BRPF3: variants seen among roughly 807,000 people sequenced by gnomAD.
The protein encoded by BRPF3 is bromodomain and PHD finger containing 3.
A neutral mutation model predicts 102.0 loss-of-function variants in BRPF3; 18 were observed. The ratio of observed to expected loss-of-function variants is 0.18; its 90% CI spans 0.12 to 0.26. The LOEUF (loss-of-function observed/expected upper bound fraction) is 0.26. Ranked by LOEUF, BRPF3 falls within the 10% of genes least tolerant of loss-of-function variation. The pLI, the probability that BRPF3 is intolerant of heterozygous loss-of-function variation, is 1.00. For missense variants in BRPF3, 1,147 were observed against 1,567.8 expected, an observed-to-expected ratio of 0.73 and a Z score of 4.53; for synonymous variants, 570 against 614.2, an observed-to-expected ratio of 0.93 and a Z score of 1.06.
At position 36,210,006 on chromosome 6, in the gene BRPF3, C is replaced by T. The variant is rs1768044196; in HGVS notation, c.1866+91C>T. On this transcript the variant is annotated intron_variant, in intron 5 of 12. Coordinates refer to ENST00000357641, the MANE Select transcript of BRPF3 (RefSeq NM_015695.3). The surrounding 1 kb of genome is among the most constrained non-coding windows in gnomAD (Gnocchi z 4.7). ...GGAAGGAGTTGGGCCACAGGGTGTA[C>T]AAAACCAGGGGTAGGAGGGTGGGTC... is the stretch of plus-strand genomic sequence containing the variant. 1 of 1,544,270 alleles carries T rather than the reference C, an allele frequency of 6.5e-7. No individual in the cohort carries two copies. Among genetic ancestry groups the T allele is most frequent in the South Asian group, 1.2e-5 (1 of 82,890 alleles).
chr6:36,229,659 G>A (rs1276160817), intron 12 of BRPF3, among the ~76,000 whole-genome samples: 1 of 152,152 alleles, frequency 6.6e-6, no homozygotes, highest in Non-Finnish European at 1.5e-5. Flanking sequence ...AACACTTAAG[G>A]TTTCTCTTAG....
intron 8 of BRPF3, among the ~76,000 whole-genome samples, chr6:36,216,117 G>A (rs1289972027): frequency 6.6e-6 from 1 of 152,182 alleles, no homozygotes; most frequent in Admixed American, 6.5e-5. Flanking sequence ...CTTACTAGCT[G>A]TGTAACGACA....
chr6:36,231,918 C>T lies in BRPF3; in HGVS notation c.*1309C>T, dbSNP rs1368828423. On this transcript the variant is annotated 3_prime_UTR_variant, in exon 13 of 13. Transcript: ENST00000357641. The stretch of plus-strand genomic sequence containing the variant: ...CTTTTCACCTCCTGAGCACCAAAGT[C>T]GCAGGGCCAGTTGCAGGCCGCTGAT... 6.6e-6 allele frequency: 1 copy of T among 152,612 alleles called. No individual in the cohort carries two copies. Among genetic ancestry groups the T allele is most frequent in the African/African-American group, 2.4e-5 (1 of 41,436 alleles). The allele number at this position is 152,612 out of a possible 1,614,324, so 9.5% of individuals were successfully genotyped here. A position where few individuals can be genotyped will look rare whatever the true frequency, so the allele number is the denominator to read the frequency against.
At chr6:36,220,856 G>A (rs1393200690) in intron 9 of BRPF3, among the ~76,000 whole-genome samples, 1 of 152,128 alleles carries the variant, frequency 6.6e-6, no homozygotes, top group Non-Finnish European at 1.5e-5. Flanking sequence ...AGTTTTCTTA[G>A]CATACGTTCC....
chr6:36,201,819 G>T lies in BRPF3; in HGVS notation c.1448+49G>T. 3 of 1,539,752 alleles carry T rather than the reference G, an allele frequency of 1.9e-6. No individual in the cohort carries two copies. The highest frequency in any genetic ancestry group is 1.7e-6 in the Non-Finnish European group (2 of 1,145,458). ...TTAGGGACTCATGGTTTCTTCTTGG[G>T]TTGGTGTTGGCCCTGTGCCAGGCCT... is the stretch of plus-strand genomic sequence containing the variant. On this transcript the variant is annotated intron_variant, in intron 2 of 12. Coordinates refer to ENST00000357641, the MANE Select transcript of BRPF3 (RefSeq NM_015695.3). The surrounding 1 kb of genome is among the most constrained non-coding windows in gnomAD (Gnocchi z 5.1).
chr6:36,205,399 C>T (rs572838189), intron 3 of BRPF3, among the ~76,000 whole-genome samples: 1 of 152,314 alleles, frequency 6.6e-6, no homozygotes, highest in South Asian at 2.1e-4. Context: ...ACTGCTGCTC[C>T]AGAGATGAAG....
chr6:36,230,325 C>G lies in BRPF3; in HGVS notation c.3435-101C>G. 1 of 1,230,050 alleles carries G rather than the reference C, an allele frequency of 8.1e-7. No homozygotes were observed. Among genetic ancestry groups the G allele is most frequent in the Non-Finnish European group, 1.2e-6 (1 of 858,936 alleles). 76.2% of individuals were successfully genotyped at this position (1,230,050 alleles called of 1,614,324 possible). On this transcript the variant is annotated intron_variant, in intron 12 of 12. Transcript: ENST00000357641. The surrounding 1 kb of genome is among the most constrained non-coding windows in gnomAD (Gnocchi z 5.4). ...AATTTGCTTCCCTCTGCCCTGTACCCTCTCCCTGGCTTTGCTGGTCCTGGC... is the reference window on the plus strand; with the variant it reads ...AATTTGCTTCCCTCTGCCCTGTACCGTCTCCCTGGCTTTGCTGGTCCTGGC...
intron 7 of BRPF3, 75 bp downstream of exon 7, chr6:36,211,635 G>T (rs552941663): frequency 4.0e-5 from 59 of 1,480,930 alleles, no homozygotes; most frequent in Non-Finnish European, 5.3e-5. Flanking sequence ...TATCATAATG[G>T]GGGTATTCTT....
rs545337757 is a variant in BRPF3 at position 36,207,260 on chromosome 6, G to A, written c.1606-53G>A. 1.1e-5 allele frequency: 17 copies of A among 1,595,396 alleles called. No individual in the cohort carries two copies. In the African/African-American group the frequency reaches 2.1e-4, roughly 20 times the overall value. On this transcript the variant is annotated intron_variant, in intron 3 of 12. Coordinates refer to ENST00000357641, the MANE Select transcript of BRPF3 (RefSeq NM_015695.3). ...CAGCCCCGTGAGGCTTGAACAGGGA[G>A]AGGACTTTTGCAAGAAGGAGGTTCC...
intron 1 of BRPF3, chr6:36,197,285 G>C (rs1378483217): frequency 6.6e-6 from 1 of 151,118 alleles, no homozygotes; most frequent in African/African-American, 2.4e-5. Context: ...CCCGCCCCTT[G>C]AGCGGCCCTA....
intron 9 of BRPF3, among the ~76,000 whole-genome samples, chr6:36,219,721 T>C (rs1035731929): frequency 1.3e-4 from 20 of 152,348 alleles, no homozygotes; most frequent in African/African-American, 4.6e-4. Flanking sequence ...TCCAAAGGCT[T>C]CAACTGCAAG....
At position 36,201,907 on chromosome 6, in the gene BRPF3, A is replaced by C. The variant is rs1030198303; in HGVS notation, c.1448+137A>C. 16 of 1,312,398 alleles carry C rather than the reference A, an allele frequency of 1.2e-5. No homozygotes were observed. The highest frequency in any genetic ancestry group is 1.5e-5 in the Non-Finnish European group (15 of 974,932). 81.3% of individuals were successfully genotyped at this position (1,312,398 alleles called of 1,614,324 possible). On this transcript the variant is annotated intron_variant, in intron 2 of 12. Transcript: ENST00000357641. This position sits in a 1 kb window ranked among gnomAD's most constrained non-coding sequence, Gnocchi z 5.1. ...AATTTAAACTCTTCCTTTTGACCCC[A>C]GGCTCACCTGGCCTGGTTTGTGGTT...
At chr6:36,211,589 G>C (rs1328012101) in intron 7 of BRPF3, 29 bp downstream of exon 7, 2 of 1,545,294 alleles carry the variant, frequency 1.3e-6, no homozygotes, top group Admixed American at 3.9e-5. Flanking sequence ...CAGGCAGGGG[G>C]TTGGAGGGTA....
intron 11 of BRPF3, among the ~76,000 whole-genome samples, chr6:36,225,910 A>G (rs1768723978): frequency 6.6e-6 from 1 of 152,212 alleles, no homozygotes; most frequent in African/African-American, 2.4e-5. Flanking sequence ...TTACTCTTTT[A>G]CAAAAAATGT....
intron 9 of BRPF3, among the ~76,000 whole-genome samples, chr6:36,219,250 C>A (rs530044514): frequency 1.3e-4 from 20 of 152,206 alleles, no homozygotes; most frequent in Admixed American, 1.0e-3. Flanking sequence ...TCTGAGATTC[C>A]CCTACCCCCC....
At chr6:36,225,428 G>A in intron 11 of BRPF3, 64 bp downstream of exon 11, 2 of 1,434,074 alleles carry the variant, frequency 1.4e-6, no homozygotes, top group Non-Finnish European at 1.9e-6. Flanking sequence ...TAATCTGATT[G>A]GATTAAGCCA....
At chr6:36,221,476 G>T (rs533082397) in intron 9 of BRPF3, among the ~76,000 whole-genome samples, 1 of 151,936 alleles carries the variant, frequency 6.6e-6, no homozygotes, top group South Asian at 2.1e-4. Flanking sequence ...TAGTAGAGAT[G>T]AGGTTTCACC....
chr6:36,218,081 A>T lies in BRPF3; in HGVS notation c.3083+71A>T, dbSNP rs1768396550. 5.2e-6 allele frequency: 7 copies of T among 1,336,884 alleles called. No individual in the cohort carries two copies. The South Asian group carries it at 8.9e-5, about 17-fold the overall frequency. The allele number at this position is 1,336,884 out of a possible 1,614,324, so 82.8% of individuals were successfully genotyped here. A position where few individuals can be genotyped will look rare whatever the true frequency, so the allele number is the denominator to read the frequency against. ...CCTTTTACTCTCCATTCAGCTACAGATTGAACCTCTTCCTGCTTACCTTTT... is the reference window on the plus strand; with the variant it reads ...CCTTTTACTCTCCATTCAGCTACAGTTTGAACCTCTTCCTGCTTACCTTTT... On this transcript the variant is annotated intron_variant, in intron 9 of 12. Transcript: ENST00000357641.
chr6:36,218,664 G>A (rs1768421215), intron 9 of BRPF3, among the ~76,000 whole-genome samples: 2 of 152,024 alleles, frequency 1.3e-5, no homozygotes, highest in African/African-American at 4.8e-5. Flanking sequence ...TCACCATGTT[G>A]GCCAGACTGG....
Sources: gnomAD v4.1 joint callset for allele counts (sites outside exome capture counted in the v4.1 genomes callset) on GRCh38, gnomAD v4.1.1 for gene constraint, Gnocchi (gnomAD v3.1) non-coding constraint, MANE v1.5 for transcripts, NCBI Gene and HGNC (gene_info 2026-07-23, HGNC 2026-07-21) for gene names.